The following C5 variants were observed in gnomAD, a reference collection of about 807,000 sequenced individuals.
C5 encodes C3 and PZP-like alpha-2-macroglobulin domain-containing protein 4.
Under a neutral mutation model 218.8 loss-of-function variants are expected in C5, and 140 were observed. The ratio of observed to expected loss-of-function variants is 0.64; its 90% CI spans 0.56 to 0.74. The LOEUF (loss-of-function observed/expected upper bound fraction) is 0.74. Ranked by LOEUF, C5 falls within the 30% of genes least tolerant of loss-of-function variation. C5 has a pLI of 0.00. For missense variants in C5, 1,700 were observed against 1,969.6 expected (o/e 0.86, Z 2.59); for synonymous variants, 614 against 682.3 (o/e 0.90, Z 1.56).
intron 25 of C5, among the ~76,000 whole-genome samples, chr9:120,985,616 G>A (rs2047027343): frequency 6.6e-6 from 1 of 151,976 alleles, no homozygotes; most frequent in South Asian, 2.1e-4. Flanking sequence ...ATACTGCATG[G>A]CAATGAAAAG....
chr9:120,993,873 G>A (rs1386652564), intron 22 of C5, among the ~76,000 whole-genome samples: 2 of 152,194 alleles, frequency 1.3e-5, no homozygotes, highest in Non-Finnish European at 2.9e-5. Flanking sequence ...ACACATTTGA[G>A]TGGGTACACT....
rs2047414409 is a variant in C5, at chr9:121,025,569, T to C, written c.885A>G (p.Gly295=). The change falls in exon 9 of 41, where the codon GGA becomes GGG. Residue 295 remains glycine, a synonymous_variant. Coordinates refer to ENST00000223642, the MANE Select transcript of C5 (RefSeq NM_001735.3). Reference sequence around the variant, plus strand: ...CAGAATCAAATGTGACTTGAGCAATTCCATTTATCAACTTTTTAAAAGGAG... The same window carrying C: ...CAGAATCAAATGTGACTTGAGCAATCCCATTTATCAACTTTTTAAAAGGAG... The part of the protein sequence containing the change: ...TAMQNTMLIN[G]IAQVTFDSET... 6 of 1,612,564 alleles carry C rather than the reference T, an allele frequency of 3.7e-6. No individual in the cohort carries two copies. The East Asian group carries it at 1.3e-4, about 36-fold the overall frequency.
chr9:121,018,835 T>C (rs1350590210), intron 12 of C5, among the ~76,000 whole-genome samples: 2 of 151,786 alleles, frequency 1.3e-5, no homozygotes, highest in Non-Finnish European at 2.9e-5. Flanking sequence ...GCCTACTATG[T>C]GCCAGGAACT....
At chr9:120,960,401 G>A (rs1347432473) in intron 37 of C5, 64 bp from the exon 38 acceptor site, 7 of 1,081,848 alleles carry the variant, frequency 6.5e-6, no homozygotes, top group Non-Finnish European at 7.1e-6. Context: ...CTTTCCAGGA[G>A]TAAACACGGT....
At chr9:121,050,933 A>C (rs1279806432), upstream of C5, among the ~76,000 whole-genome samples, 2 of 152,248 alleles carry the variant, frequency 1.3e-5, no homozygotes, top group African/African-American at 4.8e-5. Flanking sequence ...ATATTTATTA[A>C]GGCATATACC....
intron 25 of C5, among the ~76,000 whole-genome samples, chr9:120,986,797 G>A (rs541665688): frequency 4.8e-4 from 73 of 152,232 alleles, no homozygotes; most frequent in African/African-American, 1.7e-3. Flanking sequence ...ATTAAAGACA[G>A]GGTCTCCCTA....
chr9:120,989,832 A>C (rs371711456), intron 23 of C5, 52 bp from the exon 24 acceptor site: 3 of 1,396,110 alleles, frequency 2.1e-6, no homozygotes, highest in Non-Finnish European at 1.0e-6. Context: ...AACTTCTAAC[A>C]GTATGTTCTC....
the C5 span, among the ~76,000 whole-genome samples, chr9:121,055,651 G>A: frequency 3.9e-5 from 6 of 152,298 alleles, no homozygotes; most frequent in East Asian, 1.9e-4. Context: ...TCCACTGCCC[G>A]GTTGGTACGG....
chr9:120,999,423 G>C (rs1257738117), intron 20 of C5, among the ~76,000 whole-genome samples: 1 of 152,176 alleles, frequency 6.6e-6, no homozygotes, highest in Non-Finnish European at 1.5e-5. Context: ...CATCATACTG[G>C]TTTAGGAACT....
chr9:120,953,324 C>G (rs373402882), intron 40 of C5, among the ~76,000 whole-genome samples: 13 of 152,144 alleles, frequency 8.5e-5, no homozygotes, highest in Non-Finnish European at 1.3e-4. Flanking sequence ...GTTCACAAAC[C>G]CTTAAGGAAT....
In C5 at chr9:120,980,155, A is replaced by T. The variant is rs749361800; in HGVS notation, c.3586T>A (p.Ser1196Thr). 6.2e-7 allele frequency: 1 copy of T among 1,614,130 alleles called. No individual in the cohort carries two copies. ...FTLAISAYAL[S>T]LGDKTHPQFR... The stretch of plus-strand genomic sequence containing the variant: ...TGTGGGTGAGTTTTATCTCCCAGGG[A>T]AAGAGCATACGCAGAAATGGCCAAT... The change falls in exon 28 of 41, where the codon TCC (serine) becomes ACC (threonine). Residue 1196 changes from serine to threonine, a missense_variant. Ser to Thr is a moderately conservative substitution (Grantham distance 58). Coordinates refer to ENST00000223642, the MANE Select transcript of C5 (RefSeq NM_001735.3).
At chr9:120,987,434 G>A (rs951334295) in intron 25 of C5, among the ~76,000 whole-genome samples, 1 of 151,826 alleles carries the variant, frequency 6.6e-6, no homozygotes, top group Non-Finnish European at 1.5e-5. Flanking sequence ...CACGAGGTCC[G>A]GAGATCGAGA....
chr9:121,018,782 G>GAAGGAAGGAAGC (rs1564154081), intron 12 of C5, among the ~76,000 whole-genome samples: 11 of 147,544 alleles, frequency 7.5e-5, no homozygotes, highest in African/African-American at 2.8e-4. Flanking sequence ...AGGAAGGAAG[G>GAAGGAAGGAAGC]AAGGAAGGAA....
In C5 at chr9:120,967,800, C is replaced by A. The variant is rs368345193; in HGVS notation, c.4220+1261G>T. 3.3e-5 allele frequency among the ~76,000 whole-genome samples: 5 copies of A among 152,138 alleles called. No homozygotes were observed. The South Asian group carries it at 1.0e-3, about 32-fold the overall frequency. On this transcript the variant is annotated intron_variant, in intron 33 of 40. Coordinates refer to ENST00000223642, the MANE Select transcript of C5 (RefSeq NM_001735.3). ...GCAGTGGCGTGGTCACAGCTCACTGCAGCCTCAACCTCCTGGGCTCAAGCA... is the reference window on the plus strand; with the variant it reads ...GCAGTGGCGTGGTCACAGCTCACTGAAGCCTCAACCTCCTGGGCTCAAGCA...
chr9:121,016,482 T>C, intron 14 of C5, 99 bp from the exon 15 acceptor site: 1 of 1,433,700 alleles, frequency 7.0e-7, no homozygotes, highest in South Asian at 1.2e-5. Context: ...CACAAACCAG[T>C]GAAATACACA....
Position 120,952,709 on chromosome 9 carries a change from C to A in C5, c.*30G>T. On this transcript the variant is annotated 3_prime_UTR_variant, in exon 41 of 41. Coordinates refer to ENST00000223642, the MANE Select transcript of C5 (RefSeq NM_001735.3). ...CTTCAACAACAGGAGTCCATAAGTG[C>A]AAACTGTATGCAGCTGAACTTCAGG... 5 of 1,609,488 alleles carry A rather than the reference C, an allele frequency of 3.1e-6. No individual in the cohort carries two copies. The highest frequency in any genetic ancestry group is 4.2e-6 in the Non-Finnish European group (5 of 1,177,998).
chr9:120,997,796 A>C (rs2047129688), intron 20 of C5, 22 bp from the exon 21 acceptor site: 1 of 1,586,144 alleles, frequency 6.3e-7, no homozygotes, highest in African/African-American at 1.4e-5. Flanking sequence ...GTGAAGAATT[A>C]TATCAAAATA....
In C5 at chr9:120,982,676, C is replaced by T; in HGVS notation, c.3369G>A (p.Gln1123=). Residue 1123 remains glutamine (Q), a synonymous_variant, in exon 26 of 41, where the codon CAG becomes CAA. Transcript: ENST00000223642. ...TTACCTGTAATTTTATTGGTTGATA[C>T]TGTGAATTTTCCTTGAAAGATCCAT... The part of the protein sequence containing the change: ...LDNGSFKENS[Q]YQPIKLQGTL... 13 of 1,606,546 alleles carry T rather than the reference C, an allele frequency of 8.1e-6. No homozygotes were observed. Among genetic ancestry groups the T allele is most frequent in the Non-Finnish European group, 1.1e-5 (13 of 1,173,868 alleles).
intron 22 of C5, among the ~76,000 whole-genome samples, chr9:120,993,623 C>T (rs942505214): frequency 6.6e-5 from 10 of 152,042 alleles, no homozygotes; most frequent in Non-Finnish European, 1.3e-4. Context: ...GGGGTTTCAC[C>T]GTTTTAGCCA....
Sources: gnomAD v4.1 joint callset for allele counts (sites outside exome capture counted in the v4.1 genomes callset) on GRCh38, gnomAD v4.1.1 for gene constraint, MANE v1.5 for transcripts, NCBI Gene and HGNC (gene_info 2026-07-23, HGNC 2026-07-21) for gene names.